The following ROBO2 variants were observed in gnomAD, a reference collection of about 807,000 sequenced individuals.
ROBO2 encodes roundabout homolog 2.
A neutral mutation model predicts 160.8 loss-of-function variants in ROBO2; 53 were observed. The observed-to-expected ratio is 0.33, with a 90% CI of 0.26 to 0.41. ROBO2 has a LOEUF of 0.41. Among genes scored for constraint, ROBO2 ranks in the 10% least tolerant of loss-of-function variants. The probability of loss-of-function intolerance (pLI) is 1.00; values close to 1 mark genes in which losing one functional copy is unlikely to be tolerated. For synonymous variants in ROBO2, 664 were observed against 611.7 expected, an observed-to-expected ratio of 1.09 and a Z score of -1.26; for missense variants, 1,577 against 1,722.4, an observed-to-expected ratio of 0.92 and a Z score of 1.49.
intron 2 of ROBO2, among the ~76,000 whole-genome samples, chr3:76,304,743 TTTCC>T (rs1491482504): frequency 1.7e-5 from 2 of 117,702 alleles, no homozygotes; most frequent in African/African-American, 6.5e-5. Context: ...TTTTCTTTTC[TTTCC>T]TTCTTTCTTT....
At chr3:76,287,491 G>T (rs1385884631) in intron 2 of ROBO2, among the ~76,000 whole-genome samples, 2 of 151,936 alleles carry the variant, frequency 1.3e-5, no homozygotes, top group African/African-American at 4.8e-5. Flanking sequence ...GTAGAGACAG[G>T]GTTTCATCAT....
chr3:76,548,302 T>G (rs1446380972), intron 2 of ROBO2, among the ~76,000 whole-genome samples: 3 of 152,176 alleles, frequency 2.0e-5, no homozygotes, highest in African/African-American at 4.8e-5. Context: ...AATTTTGTAG[T>G]AAATATTTGC....
intron 4 of ROBO2, among the ~76,000 whole-genome samples, chr3:77,488,574 G>T (rs536472879): frequency 2.0e-5 from 3 of 152,118 alleles, no homozygotes; most frequent in Admixed American, 6.5e-5. Flanking sequence ...AAACTCTATG[G>T]AGCATTAATA....
intron 2 of ROBO2, among the ~76,000 whole-genome samples, chr3:77,318,527 T>A (rs1327696616): frequency 1.3e-5 from 2 of 152,198 alleles, no homozygotes; most frequent in Non-Finnish European, 2.9e-5. Flanking sequence ...TGGAATATTA[T>A]CAAACCAGAA....
chr3:77,003,781 G>T (rs9832093), intron 2 of ROBO2, among the ~76,000 whole-genome samples: 1 of 151,820 alleles, frequency 6.6e-6, no homozygotes, highest in East Asian at 1.9e-4. Flanking sequence ...AACTCCTGAC[G>T]TCAGGTGATC....
intron 2 of ROBO2, among the ~76,000 whole-genome samples, chr3:75,992,420 C>A (rs1460029992): frequency 6.6e-6 from 1 of 152,178 alleles, no homozygotes; most frequent in African/African-American, 2.4e-5. Context: ...TGGCATCTCC[C>A]ACATGGTGTT....
chr3:76,992,686 C>T (rs1283977154), intron 2 of ROBO2, among the ~76,000 whole-genome samples: 4 of 151,806 alleles, frequency 2.6e-5, no homozygotes, highest in Admixed American at 6.6e-5. Context: ...TGTTGCTGAA[C>T]AGAAATCTAT....
intron 2 of ROBO2, among the ~76,000 whole-genome samples, chr3:76,043,070 G>A (rs1488241145): frequency 1.3e-5 from 2 of 151,998 alleles, no homozygotes; most frequent in Non-Finnish European, 2.9e-5. Context: ...AGGAAAGGGA[G>A]GGAATATCCA....
chr3:76,841,607 C>T (rs1459589328), intron 2 of ROBO2, among the ~76,000 whole-genome samples: 1 of 151,964 alleles, frequency 6.6e-6, no homozygotes, highest in Non-Finnish European at 1.5e-5. Context: ...TTTAAAACTG[C>T]TAATAAAAGA....
chr3:76,814,811 T>A (rs1240102715), intron 2 of ROBO2, among the ~76,000 whole-genome samples: 2 of 152,062 alleles, frequency 1.3e-5, no homozygotes, highest in South Asian at 4.1e-4. Flanking sequence ...AAATAACATG[T>A]AAGAATAATT....
At chr3:76,482,611 A>G (rs1009894986) in intron 2 of ROBO2, among the ~76,000 whole-genome samples, 1 of 152,146 alleles carries the variant, frequency 6.6e-6, no homozygotes, top group Non-Finnish European at 1.5e-5. Context: ...GACGTAGGTT[A>G]AGAAATGTCA....
At chr3:77,549,282 T>C (rs377313698) in intron 7 of ROBO2, among the ~76,000 whole-genome samples, 2 of 152,192 alleles carry the variant, frequency 1.3e-5, no homozygotes, top group East Asian at 3.9e-4. Context: ...ATTAGTGCTA[T>C]GTAAATTAGT....
chr3:76,583,720 T>C (rs1181575697), intron 2 of ROBO2, among the ~76,000 whole-genome samples: 1 of 152,104 alleles, frequency 6.6e-6, no homozygotes, highest in African/African-American at 2.4e-5. Context: ...GTGTATTTAT[T>C]TATTGTCATG....
upstream of ROBO2, among the ~76,000 whole-genome samples, chr3:77,035,733 C>T (rs1469157387): frequency 1.3e-5 from 2 of 151,740 alleles, no homozygotes; most frequent in Non-Finnish European, 3.0e-5. Flanking sequence ...TCCCTCAGAT[C>T]CTTTCTGGAA....
At chr3:76,751,932 C>G (rs994019093) in intron 2 of ROBO2, among the ~76,000 whole-genome samples, 3 of 152,052 alleles carry the variant, frequency 2.0e-5, no homozygotes, top group Non-Finnish European at 4.4e-5. Flanking sequence ...CCCAGCCATC[C>G]CATTACTGGG....
chr3:77,186,968 C>T (rs1159853493), intron 2 of ROBO2, among the ~76,000 whole-genome samples: 1 of 151,890 alleles, frequency 6.6e-6, no homozygotes, highest in Non-Finnish European at 1.5e-5. Flanking sequence ...ATTCAAGAGG[C>T]AGGAAGTGAA....
intron 2 of ROBO2, among the ~76,000 whole-genome samples, chr3:76,293,177 A>G (rs896283171): frequency 6.6e-6 from 1 of 152,178 alleles, no homozygotes; most frequent in African/African-American, 2.4e-5. Context: ...TTCGAACTAG[A>G]ATACACTGAG....
At chr3:76,857,303 G>C (rs1453077351) in intron 2 of ROBO2, among the ~76,000 whole-genome samples, 1 of 152,144 alleles carries the variant, frequency 6.6e-6, no homozygotes, top group Non-Finnish European at 1.5e-5. Context: ...TTGTGAAATA[G>C]AATCTGCATT....
chr3:76,251,315 G>A (rs1705983542), intron 2 of ROBO2, among the ~76,000 whole-genome samples: 1 of 152,040 alleles, frequency 6.6e-6, no homozygotes, highest in Admixed American at 6.6e-5. Flanking sequence ...AAAGAGACGT[G>A]AAATGAAAGA....
Sources: allele counts gnomAD v4.1 joint callset (sites outside exome capture counted in the v4.1 genomes callset), GRCh38; gene constraint gnomAD v4.1.1; transcripts MANE v1.5; gene names NCBI Gene and HGNC (gene_info 2026-07-23, HGNC 2026-07-21).